Variants in ATRNL1 observed in about 807,000 individuals in gnomAD.
ATRNL1 encodes the protein attractin like 1.
Under a neutral mutation model 182.7 loss-of-function variants are expected in ATRNL1, and 95 were observed. That is an observed-to-expected ratio of 0.52 (90% CI 0.44 to 0.62). The LOEUF (loss-of-function observed/expected upper bound fraction) is 0.62. Ranked by LOEUF, ATRNL1 falls within the 20% of genes least tolerant of loss-of-function variation. The pLI is 0.00. For missense variants in ATRNL1, 1,471 were observed against 1,679.5 expected (o/e 0.88, Z 2.17); for synonymous variants, 576 against 568.3 (o/e 1.01, Z -0.19).
intron 24 of ATRNL1, among the ~76,000 whole-genome samples, chr10:115,498,361 A>G (rs1012822636): frequency 6.6e-6 from 1 of 152,152 alleles, no homozygotes; most frequent in Admixed American, 6.6e-5. Context: ...TTGGATAATC[A>G]TAAGATTTCA....
At chr10:115,408,940 T>TA (rs1290679756) in intron 20 of ATRNL1, among the ~76,000 whole-genome samples, 24 of 152,340 alleles carry the variant, frequency 1.6e-4, no homozygotes, top group African/African-American at 5.5e-4. Flanking sequence ...TGTCTGTTTT[T>TA]ATGCCAGTAC....
intron 3 of ATRNL1, among the ~76,000 whole-genome samples, chr10:115,125,262 A>G (rs146442640): frequency 2.2e-4 from 33 of 152,306 alleles, no homozygotes; most frequent in African/African-American, 7.5e-4. Context: ...TTAGGTAGGT[A>G]TTAATATTGT....
chr10:115,249,336 T>TAC (rs1850775501), intron 10 of ATRNL1, among the ~76,000 whole-genome samples: 1 of 151,992 alleles, frequency 6.6e-6, no homozygotes, highest in Non-Finnish European at 1.5e-5. Context: ...CAGATATATA[T>TAC]ATACACACAC....
intron 28 of ATRNL1, among the ~76,000 whole-genome samples, chr10:115,882,564 C>G (rs1303594717): frequency 6.6e-6 from 1 of 152,270 alleles, no homozygotes; most frequent in East Asian, 1.9e-4. Flanking sequence ...TTTCCACTCT[C>G]CAGGGTCACA....
chr10:115,382,743 C>A (rs1465788060), intron 19 of ATRNL1, among the ~76,000 whole-genome samples: 1 of 146,988 alleles, frequency 6.8e-6, no homozygotes, highest in Admixed American at 6.9e-5. Flanking sequence ...ATCTCCAGTA[C>A]AAGCATAAAA....
intron 25 of ATRNL1, among the ~76,000 whole-genome samples, chr10:115,536,007 A>G (rs1241745303): frequency 1.3e-5 from 2 of 149,406 alleles, no homozygotes; most frequent in Non-Finnish European, 3.0e-5. Flanking sequence ...GTGACGTGTC[A>G]GTCTGCCCCT....
At chr10:115,269,877 T>TG (rs1851767472) in intron 13 of ATRNL1, among the ~76,000 whole-genome samples, 1 of 130,242 alleles carries the variant, frequency 7.7e-6, no homozygotes, top group Non-Finnish European at 1.7e-5. Flanking sequence ...ATGTAAGTTT[T>TG]ATGACTTTAA....
intron 28 of ATRNL1, among the ~76,000 whole-genome samples, chr10:115,848,417 G>A (rs1301102324): frequency 1.3e-5 from 2 of 152,134 alleles, no homozygotes. Flanking sequence ...ACTAGGGAAC[G>A]TGTATGTTTG....
intron 27 of ATRNL1, among the ~76,000 whole-genome samples, chr10:115,792,014 T>A (rs1949543088): frequency 6.6e-6 from 1 of 152,196 alleles, no homozygotes; most frequent in Admixed American, 6.5e-5. Flanking sequence ...GTGACTTTGC[T>A]TTGCTTACAG....
rs143208754 is a variant in ATRNL1, at chr10:115,759,075, T to C, written c.3903+31720T>C. Among the ~76,000 whole-genome samples, 728 of 152,316 alleles carry C rather than the reference T, an allele frequency of 4.8e-3. 5 individuals carry two copies. The highest frequency in any genetic ancestry group is 0.017 in the African/African-American group (690 of 41,574). On this transcript the variant is annotated intron_variant, in intron 27 of 28. Coordinates refer to ENST00000355044, the MANE Select transcript of ATRNL1 (RefSeq NM_207303.4). Reference sequence around the variant, plus strand: ...AGGCATTTATACTACCTTAATCTTATAGAGCAATAAAAGGAGCTCAGAAAT... The same window carrying C: ...AGGCATTTATACTACCTTAATCTTACAGAGCAATAAAAGGAGCTCAGAAAT...
chr10:115,642,140 T>C (rs1161838007), intron 26 of ATRNL1, among the ~76,000 whole-genome samples: 13 of 152,140 alleles, frequency 8.5e-5, no homozygotes, highest in Non-Finnish European at 1.6e-4. Context: ...GACTCAATGG[T>C]GTTAGCAAGG....
At chr10:115,192,963 G>C (rs1848225361) in intron 8 of ATRNL1, among the ~76,000 whole-genome samples, 1 of 151,850 alleles carries the variant, frequency 6.6e-6, no homozygotes, top group Admixed American at 6.6e-5. Flanking sequence ...GGTTCCAGTA[G>C]TTTTTGGAGT....
chr10:115,774,898 T>C (rs184444318), intron 27 of ATRNL1, among the ~76,000 whole-genome samples: 1 of 152,208 alleles, frequency 6.6e-6, no homozygotes, highest in Non-Finnish European at 1.5e-5. Context: ...TAAAGCTGTC[T>C]TTTCTTCTTC....
At chr10:115,559,454 A>ATGCG (rs1554998582) in intron 26 of ATRNL1, among the ~76,000 whole-genome samples, 4 of 135,306 alleles carry the variant, frequency 3.0e-5, no homozygotes, top group Non-Finnish European at 4.7e-5. Flanking sequence ...GCGCGCGCGC[A>ATGCG]CGCACGCACA....
intron 27 of ATRNL1, among the ~76,000 whole-genome samples, chr10:115,787,116 C>T (rs1432856347): frequency 2.6e-5 from 4 of 152,098 alleles, no homozygotes; most frequent in Non-Finnish European, 5.9e-5. Context: ...GTTACCTAGC[C>T]TGGGATTTGT....
chr10:115,483,084 A>G (rs1192917365), intron 24 of ATRNL1, among the ~76,000 whole-genome samples: 2 of 151,350 alleles, frequency 1.3e-5, no homozygotes, highest in African/African-American at 4.8e-5. Context: ...ATTATAAATG[A>G]AAATTATTAT....
chr10:115,750,553 A>C (rs1410869495), intron 27 of ATRNL1, among the ~76,000 whole-genome samples: 3 of 151,934 alleles, frequency 2.0e-5, no homozygotes, highest in Admixed American at 2.0e-4. Flanking sequence ...CAGAGTGGCC[A>C]AAAGTTTCTT....
intron 5 of ATRNL1, among the ~76,000 whole-genome samples, chr10:115,130,828 C>T: frequency 6.6e-6 from 1 of 152,056 alleles, no homozygotes; most frequent in South Asian, 2.1e-4. Flanking sequence ...CTCATATACA[C>T]AGTATTTTTC....
chr10:115,892,578 A>G (rs1555111571), intron 28 of ATRNL1, among the ~76,000 whole-genome samples: 1 of 152,190 alleles, frequency 6.6e-6, no homozygotes, highest in African/African-American at 2.4e-5. Flanking sequence ...TTTTGAAAGC[A>G]GGCATAGCAA....
Sources: allele counts gnomAD v4.1 joint callset (sites outside exome capture counted in the v4.1 genomes callset), GRCh38; gene constraint gnomAD v4.1.1; transcripts MANE v1.5; gene names NCBI Gene and HGNC (gene_info 2026-07-23, HGNC 2026-07-21).